The following PRDM11 variants were observed in gnomAD, a reference collection of about 807,000 sequenced individuals.
PRDM11 encodes PR/SET domain 11.
Under a neutral mutation model 97.8 loss-of-function variants are expected in PRDM11, and 20 were observed. The ratio of observed to expected loss-of-function variants is 0.20; its 90% CI spans 0.14 to 0.30. The LOEUF is 0.30. Among genes scored for constraint, PRDM11 ranks in the 10% least tolerant of loss-of-function variants. The pLI is 1.00. For synonymous variants in PRDM11, 599 were observed against 637.7 expected (o/e 0.94, Z 0.91); for missense variants, 1,139 against 1,555.2 (o/e 0.73, Z 4.50).
rs1049098991 is a variant in PRDM11, at chr11:45,120,819, G to A, written c.96+24918G>A. On this transcript the variant is annotated intron_variant, in intron 1 of 6. Transcript: ENST00000530656. ...ATTGATTACTTAAACCAGCAATAAT[G>A]ACAATGTATCTTCAGCTCATAATAT... is the stretch of plus-strand genomic sequence containing the variant. 1.1e-4 allele frequency among the ~76,000 whole-genome samples: 16 copies of A among 152,094 alleles called. 1 individual carries two copies. Among genetic ancestry groups the A allele is most frequent in the Admixed American group, 1.0e-3 (16 of 15,268 alleles).
intron 1 of PRDM11, among the ~76,000 whole-genome samples, chr11:45,180,109 T>G (rs1048284637): frequency 1.4e-4 from 21 of 152,246 alleles, no homozygotes; most frequent in African/African-American, 4.3e-4. Flanking sequence ...TCAGCCAGTT[T>G]CCAATTTACT....
chr11:45,097,755 T>C lies in PRDM11; in HGVS notation c.96+1854T>C, dbSNP rs116416118. The stretch of plus-strand genomic sequence containing the variant: ...AGGCTACGGAAAGCATGGAGCCGCC[T>C]TGTTGGCAACTGGGGCCACAGGCTG... On this transcript the variant is annotated intron_variant, in intron 1 of 6. Coordinates refer to the PRDM11 transcript ENST00000530656. 1.5e-3 allele frequency among the ~76,000 whole-genome samples: 231 copies of C among 152,360 alleles called. 1 individual carries two copies. The highest frequency in any genetic ancestry group is 5.1e-3 in the African/African-American group (214 of 41,592).
intron 5 of PRDM11, among the ~76,000 whole-genome samples, chr11:45,211,148 G>C (rs1853718270): frequency 6.6e-6 from 1 of 152,136 alleles, no homozygotes; most frequent in Non-Finnish European, 1.5e-5. Flanking sequence ...CACCTCGCCG[G>C]GTCTCACTCC....
intron 1 of PRDM11, among the ~76,000 whole-genome samples, chr11:45,126,719 T>C (rs1436647444): frequency 1.3e-5 from 2 of 152,236 alleles, no homozygotes; most frequent in Admixed American, 6.5e-5. Context: ...GTTAGTCTGA[T>C]GGGCTTCCCT....
chr11:45,103,229 G>C (rs374954429), intron 1 of PRDM11, among the ~76,000 whole-genome samples: 2 of 152,148 alleles, frequency 1.3e-5, no homozygotes, highest in East Asian at 3.9e-4. Flanking sequence ...CCACCCCGCC[G>C]GGCCTGCCTC....
In PRDM11 at chr11:45,230,403, T is replaced by C. The variant is rs974566462; in HGVS notation, c.*2244T>C. The C allele has an allele frequency of 6.6e-6, 1 of 152,164 alleles. No homozygotes were observed. Among genetic ancestry groups the C allele is most frequent in the African/African-American group, 2.4e-5 (1 of 41,440 alleles). 9.4% of individuals were successfully genotyped at this position (152,164 alleles called of 1,614,324 possible). On this transcript the variant is annotated 3_prime_UTR_variant, in exon 8 of 8. Coordinates refer to ENST00000683152, the MANE Select transcript of PRDM11 (RefSeq NM_001384648.1). ...AGGCTGAAAGCCTCCTTCTGAGGCT[T>C]TGAGATTCCCAGCCCCATTCCACTT...
intron 1 of PRDM11, among the ~76,000 whole-genome samples, chr11:45,128,494 C>A (rs1052346265): frequency 6.6e-6 from 1 of 151,946 alleles, no homozygotes; most frequent in African/African-American, 2.4e-5. Context: ...CTTGGCTACA[C>A]CCCGCGCACC....
At chr11:45,147,753 C>T (rs1025084633) in intron 1 of PRDM11, among the ~76,000 whole-genome samples, 2 of 152,168 alleles carry the variant, frequency 1.3e-5, no homozygotes, top group Non-Finnish European at 2.9e-5. Context: ...GGGCTTAGAA[C>T]CCCCCAGGCT....
At chr11:45,137,569 G>A (rs1053470143) in intron 1 of PRDM11, among the ~76,000 whole-genome samples, 1 of 152,124 alleles carries the variant, frequency 6.6e-6, no homozygotes, top group Non-Finnish European at 1.5e-5. Context: ...TGGGCAACAT[G>A]GCGAGACCTC....
intron 1 of PRDM11, among the ~76,000 whole-genome samples, chr11:45,100,304 C>G (rs148936862): frequency 1.3e-5 from 2 of 152,284 alleles, no homozygotes; most frequent in East Asian, 3.9e-4. Context: ...CTTGTCCTAT[C>G]CATCAGAGTG....
At chr11:45,202,966 G>A (rs972533178) in intron 4 of PRDM11, among the ~76,000 whole-genome samples, 4 of 152,200 alleles carry the variant, frequency 2.6e-5, no homozygotes, top group Non-Finnish European at 5.9e-5. Flanking sequence ...GGGTAAGTTC[G>A]GGGGCAGGCC....
chr11:45,158,328 A>T (rs1590390742), intron 1 of PRDM11, among the ~76,000 whole-genome samples: 1 of 151,346 alleles, frequency 6.6e-6, no homozygotes, highest in South Asian at 2.1e-4. Context: ...CCCCACCTCC[A>T]CCCTCCTCTG....
At chr11:45,194,049 G>A (rs925052160) in intron 4 of PRDM11, among the ~76,000 whole-genome samples, 3 of 152,214 alleles carry the variant, frequency 2.0e-5, no homozygotes, top group African/African-American at 2.4e-5. Flanking sequence ...ACAGTTGAAC[G>A]TAAGGTCAAG....
intron 5 of PRDM11, chr11:45,213,103 G>A (rs1238581409): frequency 4.4e-6 from 2 of 455,640 alleles, no homozygotes; most frequent in South Asian, 3.1e-5. Flanking sequence ...CCTCACAACA[G>A]GGGCCAGTCT....
intron 4 of PRDM11, among the ~76,000 whole-genome samples, chr11:45,185,357 G>T: frequency 6.6e-6 from 1 of 152,198 alleles, no homozygotes; most frequent in East Asian, 1.9e-4. Flanking sequence ...ATAACAAAGA[G>T]TTATCTGCAG....
chr11:45,153,025 G>T (rs116816527), intron 1 of PRDM11, among the ~76,000 whole-genome samples: 249 of 152,332 alleles, frequency 1.6e-3, no homozygotes, highest in African/African-American at 5.8e-3. Flanking sequence ...AGAGGCTTTC[G>T]TAGTAATTGA....
intron 4 of PRDM11, among the ~76,000 whole-genome samples, chr11:45,184,160 A>G (rs1303193286): frequency 6.6e-6 from 1 of 152,180 alleles, no homozygotes; most frequent in Admixed American, 6.5e-5. Context: ...GCAAGAGCAA[A>G]GGCCCTGTGG....
At position 45,231,250 on chromosome 11, in the gene PRDM11, T is replaced by G. The variant is rs972192922; in HGVS notation, c.*3091T>G. On this transcript the variant is annotated 3_prime_UTR_variant, in exon 8 of 8. Transcript: ENST00000683152. The stretch of plus-strand genomic sequence containing the variant: ...CCTGGGAGGCCCAGTGCTTCTGTCC[T>G]GTGAATTCTGCATGTGATTACCCAT... The G allele has an allele frequency of 1.4e-4, 22 of 152,146 alleles. No homozygotes were observed. Among genetic ancestry groups the G allele is most frequent in the African/African-American group, 5.3e-4 (22 of 41,412 alleles). 9.4% of individuals were successfully genotyped at this position (152,146 alleles called of 1,614,324 possible).
At chr11:45,156,488 C>T (rs1243543820) in intron 1 of PRDM11, among the ~76,000 whole-genome samples, 1 of 152,244 alleles carries the variant, frequency 6.6e-6, no homozygotes, top group Non-Finnish European at 1.5e-5. Flanking sequence ...CAGACCTCTG[C>T]CCATCCTGAG....
Sources: gnomAD v4.1 joint callset for allele counts (sites outside exome capture counted in the v4.1 genomes callset) on GRCh38, gnomAD v4.1.1 for gene constraint, MANE v1.5 for transcripts, NCBI Gene and HGNC (gene_info 2026-07-23, HGNC 2026-07-21) for gene names.